CMTM6: variants seen among roughly 807,000 people sequenced by gnomAD.
CMTM6 encodes the protein CKLF-like MARVEL transmembrane domain-containing protein 6.
CMTM6 carries 5 observed loss-of-function variants against 13.6 expected under a neutral mutation model. The ratio of observed to expected loss-of-function variants is 0.37; its 90% confidence interval spans 0.19 to 0.77. The LOEUF is 0.77. Ranked by LOEUF, CMTM6 falls within the 30% of genes least tolerant of loss-of-function variation. The probability of loss-of-function intolerance (pLI) is 0.50; values close to 1 mark genes in which losing one functional copy is unlikely to be tolerated. For synonymous variants in CMTM6, 99 were observed against 84.5 expected (o/e 1.17, Z -0.94); for missense variants, 196 against 218.6 (o/e 0.90, Z 0.65).
intron 1 of CMTM6, among the ~76,000 whole-genome samples, chr3:32,494,218 T>C (rs1037556892): frequency 6.6e-6 from 1 of 152,116 alleles, no homozygotes; most frequent in Non-Finnish European, 1.5e-5. Flanking sequence ...TTGGGCAGTT[T>C]GTGTGGGTTT....
At chr3:32,497,809 G>T (rs1010775810) in intron 1 of CMTM6, among the ~76,000 whole-genome samples, 3 of 149,118 alleles carry the variant, frequency 2.0e-5, no homozygotes, top group South Asian at 2.1e-4. Context: ...AATGAGCCGA[G>T]ACTGCACCAC....
intron 1 of CMTM6, among the ~76,000 whole-genome samples, chr3:32,499,886 A>G (rs1287796974): frequency 6.6e-6 from 1 of 150,514 alleles, no homozygotes; most frequent in African/African-American, 2.4e-5. Flanking sequence ...AACCCCATGG[A>G]GCCTCAGAGG....
intron 2 of CMTM6, among the ~76,000 whole-genome samples, chr3:32,489,328 A>G (rs1199377715): frequency 6.6e-6 from 1 of 151,380 alleles, no homozygotes; most frequent in Non-Finnish European, 1.5e-5. Context: ...TAAATTGTCA[A>G]TCATTCACTT....
chr3:32,499,429 A>G (rs1697326088), intron 1 of CMTM6, among the ~76,000 whole-genome samples: 1 of 152,198 alleles, frequency 6.6e-6, no homozygotes, highest in South Asian at 2.1e-4. Context: ...AGGATAGTCA[A>G]CTGACAGCAT....
intron 2 of CMTM6, among the ~76,000 whole-genome samples, chr3:32,489,002 C>T (rs1383974631): frequency 1.3e-5 from 2 of 151,994 alleles, no homozygotes; most frequent in African/African-American, 4.8e-5. Context: ...GGCACGGTGG[C>T]TCACGCCTGT....
chr3:32,502,663 T>G lies in CMTM6; in HGVS notation c.83A>C (p.Tyr28Ser), dbSNP rs1392557064. The change falls in exon 1 of 4, where the codon TAC becomes TCC. Residue 28 changes from tyrosine (Y) to serine (S), a missense_variant. This residue lies in a region of CMTM6 where 85 missense variants were observed against 58.7 expected (regional missense o/e 1.45). Coordinates refer to ENST00000205636, the MANE Select transcript of CMTM6 (RefSeq NM_017801.3). The part of the protein sequence containing the change: ...ARGPRSGLAA[Y>S]FFMGRLPLLR... ...CAATGGGAGCCGGCCCATGAAAAAG[T>G]AGGCAGCGAGGCCGCTCCGGGGGCC... The G allele has an allele frequency of 6.3e-7, 1 of 1,592,504 alleles. No homozygotes were observed. The highest frequency in any genetic ancestry group is 8.5e-7 in the Non-Finnish European group (1 of 1,171,384).
chr3:32,488,260 T>G, intron 2 of CMTM6: 1 of 375,162 alleles, frequency 2.7e-6, no homozygotes, highest in Non-Finnish European at 4.9e-6. Flanking sequence ...AGAGAACACA[T>G]TACAAGATAA....
At chr3:32,496,190 G>C (rs1575139133) in intron 1 of CMTM6, among the ~76,000 whole-genome samples, 2 of 129,808 alleles carry the variant, frequency 1.5e-5, no homozygotes, top group Admixed American at 1.8e-4. Flanking sequence ...GACAAAGCGA[G>C]ACTATCTCAA....
Position 32,481,382 on chromosome 3 carries a change from A to G in CMTM6, c.*2578T>C, listed in dbSNP as rs1254338162. 2.0e-5 allele frequency: 3 copies of G among 151,128 alleles called. No individual in the cohort carries two copies. Among genetic ancestry groups the G allele is most frequent in the Non-Finnish European group, 4.4e-5 (3 of 67,748 alleles). The allele number at this position is 151,128 out of a possible 1,614,324, so 9.4% of individuals were successfully genotyped here. A position where few individuals can be genotyped will look rare whatever the true frequency, so the allele number is the denominator to read the frequency against. ...ACATCAAGAGAGATAAAAAAAAAAG[A>G]CCCATAAGATTTAAATTGACAAATA... On this transcript the variant is annotated 3_prime_UTR_variant, in exon 4 of 4. Transcript: ENST00000205636.
Position 32,483,171 on chromosome 3 carries a change from T to G in CMTM6, c.*789A>C, listed in dbSNP as rs1697171029. ...TACTTTCACTGTCTTGGGCAAAAAG[T>G]CTTTCTTATCTTTGGTCCTTAGGTG... On this transcript the variant is annotated 3_prime_UTR_variant, in exon 4 of 4. Coordinates refer to ENST00000205636, the MANE Select transcript of CMTM6 (RefSeq NM_017801.3). 6.6e-6 allele frequency: 1 copy of G among 152,662 alleles called. No homozygotes were observed. The highest frequency in any genetic ancestry group is 2.4e-5 in the African/African-American group (1 of 41,472). The allele number at this position is 152,662 out of a possible 1,614,324, so 9.5% of individuals were successfully genotyped here.
intron 1 of CMTM6, among the ~76,000 whole-genome samples, chr3:32,493,492 T>TG (rs764408488): frequency 1.3e-5 from 2 of 152,146 alleles, no homozygotes; most frequent in Non-Finnish European, 2.9e-5. Context: ...AGGAGGTCTG[T>TG]GGAAGAGTTT....
chr3:32,484,682 T>G (rs1199348679), intron 3 of CMTM6, among the ~76,000 whole-genome samples: 1 of 152,126 alleles, frequency 6.6e-6, no homozygotes, highest in Admixed American at 6.6e-5. Flanking sequence ...CGATCATACG[T>G]TCTGAGAATT....
intron 2 of CMTM6, 90 bp downstream of exon 2, chr3:32,491,620 A>G: frequency 8.7e-7 from 1 of 1,151,536 alleles, no homozygotes; most frequent in Non-Finnish European, 1.2e-6. Context: ...CATGTTGCTG[A>G]GTTTTGAAAA....
At chr3:32,490,367 C>T (rs1054239742) in intron 2 of CMTM6, among the ~76,000 whole-genome samples, 32 of 152,044 alleles carry the variant, frequency 2.1e-4, no homozygotes, top group African/African-American at 7.7e-4. Flanking sequence ...TATTAATATG[C>T]AGACAGTAAA....
chr3:32,483,857 G>A lies in CMTM6; in HGVS notation c.*103C>T. 1 of 1,170,358 alleles carries A rather than the reference G, an allele frequency of 8.5e-7. No homozygotes were observed. The highest frequency in any genetic ancestry group is 1.1e-6 in the Non-Finnish European group (1 of 882,246). 72.5% of individuals were successfully genotyped at this position (1,170,358 alleles called of 1,614,324 possible). On this transcript the variant is annotated 3_prime_UTR_variant, in exon 4 of 4. Coordinates refer to ENST00000205636, the MANE Select transcript of CMTM6 (RefSeq NM_017801.3). Reference sequence around the variant, plus strand: ...TTGACCTTCCCCTTGCTCTCCAAAAGAAGTGGTTTAAACAATTAACAAATT... The same window carrying A: ...TTGACCTTCCCCTTGCTCTCCAAAAAAAGTGGTTTAAACAATTAACAAATT...
In CMTM6 at chr3:32,502,805, A is replaced by G. The variant is rs1697360084; in HGVS notation, c.-60T>C. ...CCGCGCCGTTGACTTCTCGGACTCC[A>G]GAAGTCCCCGGTAGCCGGGAGGCGG... On this transcript the variant is annotated 5_prime_UTR_variant, in exon 1 of 4. Coordinates refer to ENST00000205636, the MANE Select transcript of CMTM6 (RefSeq NM_017801.3). 2.2e-6 allele frequency: 3 copies of G among 1,370,170 alleles called. No homozygotes were observed. Among genetic ancestry groups the G allele is most frequent in the African/African-American group, 3.1e-5 (2 of 65,418 alleles). 84.9% of individuals were successfully genotyped at this position (1,370,170 alleles called of 1,614,324 possible).
At chr3:32,489,197 G>C (rs538214520) in intron 2 of CMTM6, among the ~76,000 whole-genome samples, 3 of 148,018 alleles carry the variant, frequency 2.0e-5, no homozygotes, top group Non-Finnish European at 3.0e-5. Flanking sequence ...TTGAACCCAG[G>C]AGGCAGAGGT....
At chr3:32,497,029 G>A (rs898937619) in intron 1 of CMTM6, among the ~76,000 whole-genome samples, 4 of 152,108 alleles carry the variant, frequency 2.6e-5, no homozygotes, top group African/African-American at 7.2e-5. Context: ...AGTTCCGAGT[G>A]TAGGAGGGAA....
At chr3:32,490,761 T>G (rs1261852224) in intron 2 of CMTM6, among the ~76,000 whole-genome samples, 1 of 152,174 alleles carries the variant, frequency 6.6e-6, no homozygotes, top group African/African-American at 2.4e-5. Context: ...CTAAAAATAT[T>G]TTTATGGTGA....
Sources: allele counts gnomAD v4.1 joint callset (sites outside exome capture counted in the v4.1 genomes callset), GRCh38; gene constraint gnomAD v4.1.1; regional missense constraint gnomAD v4.1.1; transcripts MANE v1.5; gene names NCBI Gene and HGNC (gene_info 2026-07-23, HGNC 2026-07-21).